GRB14: variants seen among roughly 807,000 people sequenced by gnomAD.
GRB14 encodes the protein growth factor receptor-bound protein 14.
GRB14 carries 38 observed loss-of-function variants against 69.1 expected under a neutral mutation model. That is an observed-to-expected ratio of 0.55 (90% CI 0.42 to 0.72). The LOEUF is 0.72. Ranked by LOEUF, GRB14 falls within the 30% of genes least tolerant of loss-of-function variation. GRB14 has a pLI of 0.00. For missense variants in GRB14, 666 were observed against 666.1 expected (o/e 1.00, Z 0.00); for synonymous variants, 247 against 241.3 (o/e 1.02, Z -0.22).
At position 164,522,525 on chromosome 2, in the gene GRB14, T is replaced by C. The variant is rs189481199; in HGVS notation, c.679-408A>G. 3.9e-5 allele frequency among the ~76,000 whole-genome samples: 6 copies of C among 152,294 alleles called. No individual in the cohort carries two copies. In the East Asian group the frequency reaches 7.7e-4, roughly 20 times the overall value. On this transcript the variant is annotated intron_variant, in intron 5 of 13. Transcript: ENST00000263915. ...TCATCTATTGCGTTAAGTCCTGATA[T>C]GCTTTTCATCGTTTTCCATGGTTTT...
In GRB14 at chr2:164,524,998, T is replaced by C. The variant is rs758561521; in HGVS notation, c.678+6A>G. On this transcript the variant is annotated splice_donor_region_variant and intron_variant, in intron 5 of 13. Transcript: ENST00000263915. ...ATTTATATATGTTAATAAAAATATA[T>C]TTTACCTGCAAAATCTGTGTGGGGG... The C allele has an allele frequency of 6.6e-7, 1 of 1,518,804 alleles. No homozygotes were observed. 94.1% of individuals were successfully genotyped at this position (1,518,804 alleles called of 1,614,324 possible). A position where few individuals can be genotyped will look rare whatever the true frequency, so the allele number is the denominator to read the frequency against.
intron 2 of GRB14, among the ~76,000 whole-genome samples, chr2:164,563,791 C>A (rs1271462925): frequency 6.6e-6 from 1 of 151,994 alleles, no homozygotes; most frequent in Admixed American, 6.5e-5. Context: ...CCATAAATGA[C>A]AAAACATTTT....
chr2:164,515,864 C>A (rs1687470415), intron 6 of GRB14, among the ~76,000 whole-genome samples: 1 of 147,048 alleles, frequency 6.8e-6, no homozygotes, highest in Non-Finnish European at 1.5e-5. Context: ...AAATAGATAG[C>A]ATGAATAAAA....
rs1474093362 is a variant in GRB14, at chr2:164,525,034, A to G, written c.648T>C (p.Asn216=). 1.9e-6 allele frequency: 3 copies of G among 1,593,438 alleles called. No individual in the cohort carries two copies. Among genetic ancestry groups the G allele is most frequent in the Non-Finnish European group, 2.6e-6 (3 of 1,167,180 alleles). Residue 216 remains asparagine, a synonymous_variant, in exon 5 of 14, where the codon AAT becomes AAC. Coordinates refer to ENST00000263915, the MANE Select transcript of GRB14 (RefSeq NM_004490.3). Reference sequence around the variant, plus strand: ...AAATCTGTGTGGGGGATATTTCACCATTGGTTTCAGTTGCAAAAGATACCA... The same window carrying G: ...AAATCTGTGTGGGGGATATTTCACCGTTGGTTTCAGTTGCAAAAGATACCA... The part of the protein sequence containing the change: ...EHMVSFATET[N]GEISPTQILQ...
chr2:164,518,982 C>T (rs1258868964), intron 6 of GRB14, among the ~76,000 whole-genome samples: 3 of 151,964 alleles, frequency 2.0e-5, no homozygotes, highest in Admixed American at 6.6e-5. Context: ...CACTATTCCA[C>T]AAGACAGAAA....
At chr2:164,612,115 A>G (rs1558884110) in intron 2 of GRB14, among the ~76,000 whole-genome samples, 1 of 152,222 alleles carries the variant, frequency 6.6e-6, no homozygotes, top group Admixed American at 6.5e-5. Flanking sequence ...TTTCAGTCAC[A>G]TCATATTGAC....
chr2:164,564,126 C>T (rs930826037), intron 2 of GRB14, among the ~76,000 whole-genome samples: 2 of 152,140 alleles, frequency 1.3e-5, no homozygotes, highest in African/African-American at 4.8e-5. Context: ...ACAGCCTGAG[C>T]CGACACTTAG....
At chr2:164,585,653 T>A (rs1284188859) in intron 2 of GRB14, among the ~76,000 whole-genome samples, 1 of 152,172 alleles carries the variant, frequency 6.6e-6, no homozygotes, top group Non-Finnish European at 1.5e-5. Flanking sequence ...TATACATATA[T>A]CAAAACATCA....
At chr2:164,551,624 T>C (rs1688540417) in intron 2 of GRB14, among the ~76,000 whole-genome samples, 1 of 152,168 alleles carries the variant, frequency 6.6e-6, no homozygotes, top group African/African-American at 2.4e-5. Flanking sequence ...GTGTGATTCC[T>C]TCTACCTGGA....
intron 2 of GRB14, among the ~76,000 whole-genome samples, chr2:164,560,431 T>G (rs540804167): frequency 3.3e-5 from 5 of 152,276 alleles, no homozygotes; most frequent in Admixed American, 2.0e-4. Flanking sequence ...AGAGAAAATA[T>G]CATGTTTCGA....
intron 2 of GRB14, among the ~76,000 whole-genome samples, chr2:164,552,712 T>C (rs1278979696): frequency 1.3e-5 from 2 of 152,196 alleles, no homozygotes; most frequent in African/African-American, 4.8e-5. Flanking sequence ...CCCTATGATG[T>C]CAAGGTCTAT....
intron 2 of GRB14, among the ~76,000 whole-genome samples, chr2:164,575,790 A>G (rs900202942): frequency 6.6e-6 from 1 of 152,160 alleles, no homozygotes; most frequent in Admixed American, 6.5e-5. Context: ...ACAGAAATAT[A>G]AACTTTTCTA....
chr2:164,534,962 A>T (rs1463091947), intron 3 of GRB14, among the ~76,000 whole-genome samples: 2 of 152,208 alleles, frequency 1.3e-5, no homozygotes, highest in Non-Finnish European at 2.9e-5. Context: ...ATACAAGTCT[A>T]TTTAAAATAA....
intron 2 of GRB14, among the ~76,000 whole-genome samples, chr2:164,578,477 A>G (rs1449028922): frequency 6.6e-6 from 1 of 151,916 alleles, no homozygotes; most frequent in African/African-American, 2.4e-5. Context: ...AAAAAAACCC[A>G]AAAGAAAAAT....
At chr2:164,610,741 C>T (rs1690147329) in intron 2 of GRB14, among the ~76,000 whole-genome samples, 2 of 150,804 alleles carry the variant, frequency 1.3e-5, no homozygotes, top group South Asian at 4.2e-4. Context: ...AACCCAAGAA[C>T]AATAAAGCCA....
At chr2:164,594,522 C>G (rs528614669) in intron 2 of GRB14, among the ~76,000 whole-genome samples, 1 of 152,242 alleles carries the variant, frequency 6.6e-6, no homozygotes, top group South Asian at 2.1e-4. Context: ...ATGCTTTCCC[C>G]TATATTCTGT....
chr2:164,506,723 A>C (rs544798364), intron 8 of GRB14, among the ~76,000 whole-genome samples: 105 of 152,318 alleles, frequency 6.9e-4, no homozygotes, highest in African/African-American at 2.4e-3. Context: ...CAGTGAAAAA[A>C]TGGATAAACT....
At chr2:164,497,145 A>C in intron 11 of GRB14, 50 bp from the exon 12 acceptor site, 1 of 1,596,278 alleles carries the variant, frequency 6.3e-7, no homozygotes, top group Non-Finnish European at 8.6e-7. Context: ...GATGACTGCA[A>C]TTTCATTACA....
At chr2:164,582,666 G>A (rs1033424431) in intron 2 of GRB14, among the ~76,000 whole-genome samples, 36 of 152,050 alleles carry the variant, frequency 2.4e-4, no homozygotes, top group Admixed American at 7.9e-4. Flanking sequence ...TGATCCACTC[G>A]CCTCGGCCTC....
Sources: allele counts gnomAD v4.1 joint callset (sites outside exome capture counted in the v4.1 genomes callset), GRCh38; gene constraint gnomAD v4.1.1; transcripts MANE v1.5; gene names NCBI Gene and HGNC (gene_info 2026-07-23, HGNC 2026-07-21).